RELN: variants seen among roughly 807,000 people sequenced by gnomAD.
RELN encodes reelin.
A neutral mutation model predicts 427.6 loss-of-function variants in RELN; 108 were observed. The ratio of observed to expected loss-of-function variants is 0.25; its 90% CI spans 0.22 to 0.30. The LOEUF (loss-of-function observed/expected upper bound fraction) is 0.30, where lower values mean the gene tolerates loss of function less well. RELN is among the 10% of genes least tolerant of loss of function. The pLI, the probability that RELN is intolerant of heterozygous loss-of-function variation, is 1.00. For synonymous variants in RELN, 1,524 were observed against 1,513.4 expected, an observed-to-expected ratio of 1.01 and a Z score of -0.16; for missense variants, 3,715 against 4,302.8, an observed-to-expected ratio of 0.86 and a Z score of 3.82.
At chr7:103,766,367 A>G (rs989378879) in intron 4 of RELN, among the ~76,000 whole-genome samples, 1 of 152,228 alleles carries the variant, frequency 6.6e-6, no homozygotes, top group African/African-American at 2.4e-5. Context: ...CAATTAAAGT[A>G]GATACGTTAA....
intron 61 of RELN, 137 bp from the exon 62 acceptor site, chr7:103,483,987 T>A: frequency 1.2e-6 from 1 of 845,180 alleles, no homozygotes; most frequent in Non-Finnish European, 1.9e-6. Flanking sequence ...TCAAGCGATT[T>A]TCCTGCCTCG....
chr7:103,773,282 TCCCTCGCTCCCTCTCTCTCTCC>T, intron 4 of RELN, among the ~76,000 whole-genome samples: 1 of 128,616 alleles, frequency 7.8e-6, no homozygotes, highest in East Asian at 2.7e-4. Flanking sequence ...TCTCTCTCTC[TCCCTCGCTCCCTCTCTCTCTCC>T]CTCCCTCGCT....
intron 2 of RELN, among the ~76,000 whole-genome samples, chr7:103,911,936 A>C (rs568608970): frequency 1.3e-4 from 19 of 150,708 alleles, no homozygotes; most frequent in Admixed American, 6.6e-4. Context: ...GCGCACCAGC[A>C]TGGCACATGT....
chr7:103,562,771 G>T (rs1830670351), intron 34 of RELN, among the ~76,000 whole-genome samples: 2 of 152,172 alleles, frequency 1.3e-5, no homozygotes, highest in African/African-American at 4.8e-5. Context: ...GCTTTAACAT[G>T]GAAACCTAAT....
rs1797185379 is a variant in RELN, at chr7:103,989,604, T to A, written c.-248A>T. 2.9e-6 allele frequency: 1 copy of A among 345,546 alleles called. No individual in the cohort carries two copies. Among genetic ancestry groups the A allele is most frequent in the Non-Finnish European group, 5.0e-6 (1 of 199,338 alleles). The allele number at this position is 345,546 out of a possible 1,614,324, so 21.4% of individuals were successfully genotyped here. ...CTGCGGGCGCCGAGAGCGCGTCGTC[T>A]GCCGCCTCCGTGCGCCGCCGCCGCC... On this transcript the variant is annotated 5_prime_UTR_variant, in exon 1 of 65. Coordinates refer to ENST00000428762, the MANE Select transcript of RELN (RefSeq NM_005045.4). The surrounding 1 kb of genome is among the most constrained non-coding windows in gnomAD (Gnocchi z 4.9).
Position 103,589,623 on chromosome 7 carries a change from A to G in RELN, c.4118T>C (p.Ile1373Thr). Residue 1373 changes from isoleucine (I) to threonine (T), a missense_variant, in exon 28 of 65, where the codon ATT (isoleucine) becomes ACT (threonine). Ile to Thr is a moderately conservative substitution (Grantham distance 89). This residue lies in a region of RELN where 2,208 missense variants were observed against 2,361.7 expected (regional missense o/e 0.93). Coordinates refer to ENST00000428762, the MANE Select transcript of RELN (RefSeq NM_005045.4). ...GDFEEWTRIT[I>T]VIPRSLASSK... The stretch of plus-strand genomic sequence containing the variant: ...GGATGCAAGAGACCTTGGAATAACA[A>G]TGGTGATTCTTGTCCATTCTTCAAA... 1.2e-6 allele frequency: 2 copies of G among 1,613,592 alleles called. No individual in the cohort carries two copies. The highest frequency in any genetic ancestry group is 2.2e-5 in the South Asian group (2 of 91,078).
intron 28 of RELN, among the ~76,000 whole-genome samples, chr7:103,578,748 G>A (rs1831059756): frequency 6.6e-6 from 1 of 152,132 alleles, no homozygotes; most frequent in South Asian, 2.1e-4. Context: ...AAGGAAATAA[G>A]CAGGCTAAAG....
chr7:103,731,419 C>T (rs1402606699), intron 6 of RELN, among the ~76,000 whole-genome samples: 2 of 152,076 alleles, frequency 1.3e-5, no homozygotes, highest in Admixed American at 6.6e-5. Context: ...GTGCTGTTTA[C>T]CATGTGATAG....
At position 103,826,335 on chromosome 7, in the gene RELN, T is replaced by TG. The variant is rs1375199148; in HGVS notation, c.473+7201dup. Among the ~76,000 whole-genome samples the TG allele has an allele frequency of 4.3e-5, 5 of 116,210 alleles. No individual in the cohort carries two copies. The Admixed American group carries it at 4.5e-4, about 10-fold the overall frequency. The allele number at this position is 116,210 out of a possible 152,430, so 76.2% of individuals were successfully genotyped here. A position where few individuals can be genotyped will look rare whatever the true frequency, so the allele number is the denominator to read the frequency against. On this transcript the variant is annotated intron_variant, in intron 3 of 64. Transcript: ENST00000428762. ...GACTAAGACAATGTGTGTGTGTGTG[T>TG]GTGTGTGTGTGTGTGTGTGTGTGTA...
At chr7:103,504,387 A>G (rs1829138944) in intron 51 of RELN, 1 of 152,170 alleles carries the variant, frequency 6.6e-6, no homozygotes, top group Admixed American at 6.5e-5. Flanking sequence ...TTTATTGTTG[A>G]TATTTTTATC....
chr7:103,738,985 A>G (rs897512699), intron 6 of RELN, among the ~76,000 whole-genome samples: 4 of 152,088 alleles, frequency 2.6e-5, no homozygotes, highest in Non-Finnish European at 5.9e-5. Context: ...CTGGCCTGGC[A>G]TCTTTTCATT....
intron 2 of RELN, among the ~76,000 whole-genome samples, chr7:103,885,467 C>T (rs953505427): frequency 6.6e-6 from 1 of 152,138 alleles, no homozygotes; most frequent in East Asian, 1.9e-4. Flanking sequence ...AACCATCAGT[C>T]TCAGCAAACT....
intron 2 of RELN, among the ~76,000 whole-genome samples, chr7:103,834,363 CTG>C (rs1245044616): frequency 6.6e-6 from 1 of 152,106 alleles, no homozygotes; most frequent in Admixed American, 6.6e-5. Context: ...TTAGTCTTGT[CTG>C]TGTTCAGCTA....
intron 4 of RELN, 21 bp downstream of exon 4, chr7:103,776,536 C>T: frequency 3.1e-6 from 5 of 1,613,582 alleles, no homozygotes; most frequent in Non-Finnish European, 4.2e-6. Flanking sequence ...ATAACACAAA[C>T]AAATCAAATG....
intron 4 of RELN, among the ~76,000 whole-genome samples, chr7:103,755,595 G>T (rs367998667): frequency 8.4e-5 from 12 of 143,084 alleles, no homozygotes; most frequent in Non-Finnish European, 1.4e-4. Context: ...GGGACAGAGC[G>T]AGACTCTGTC....
chr7:103,547,899 C>T (rs747941174), intron 41 of RELN, among the ~76,000 whole-genome samples: 18 of 152,186 alleles, frequency 1.2e-4, no homozygotes, highest in Non-Finnish European at 2.5e-4. Flanking sequence ...GCTGAAGGGT[C>T]TGGTTTCACT....
chr7:103,544,142 C>T (rs1190969854), intron 42 of RELN, among the ~76,000 whole-genome samples: 1 of 146,610 alleles, frequency 6.8e-6, no homozygotes, highest in African/African-American at 2.5e-5. Context: ...TATGGATATA[C>T]TTAGATCTAG....
intron 24 of RELN, among the ~76,000 whole-genome samples, chr7:103,597,529 G>A (rs891737638): frequency 6.6e-6 from 1 of 152,112 alleles, no homozygotes; most frequent in Non-Finnish European, 1.5e-5. Context: ...CTTAAACCTG[G>A]GAGATGGAGG....
intron 3 of RELN, among the ~76,000 whole-genome samples, chr7:103,789,994 C>T (rs1171090485): frequency 1.3e-5 from 2 of 152,184 alleles, no homozygotes; most frequent in African/African-American, 4.8e-5. Context: ...CCACACAATG[C>T]TATGTAGCCA....
Sources: allele counts gnomAD v4.1 joint callset (sites outside exome capture counted in the v4.1 genomes callset), GRCh38; gene constraint gnomAD v4.1.1; regional missense constraint gnomAD v4.1.1; non-coding constraint Gnocchi (gnomAD v3.1); transcripts MANE v1.5; gene names NCBI Gene and HGNC (gene_info 2026-07-23, HGNC 2026-07-21).